Variants in INO80 observed in about 807,000 individuals in gnomAD.
INO80 encodes INO80 complex ATPase subunit, also known as chromatin-remodeling ATPase INO80.
A neutral mutation model predicts 203.4 loss-of-function variants in INO80; 20 were observed. The observed-to-expected ratio is 0.10, with a 90% CI of 0.07 to 0.14. The LOEUF (loss-of-function observed/expected upper bound fraction) is 0.14, where lower values mean the gene tolerates loss of function less well. INO80 is among the 10% of genes least tolerant of loss of function. INO80 has a pLI of 1.00. For missense variants in INO80, 1,419 were observed against 1,914.4 expected (o/e 0.74, Z 4.83); for synonymous variants, 726 against 685.2 (o/e 1.06, Z -0.93).
At chr15:41,058,487 C>T in intron 16 of INO80, 152 bp downstream of exon 16, 1 of 739,724 alleles carries the variant, frequency 1.4e-6, no homozygotes, top group Non-Finnish European at 2.0e-6. Context: ...AAAGCGAGAC[C>T]TTGTCTCTAT....
intron 1 of INO80, among the ~76,000 whole-genome samples, chr15:41,115,767 G>A (rs1183994264): frequency 6.6e-6 from 1 of 152,206 alleles, no homozygotes; most frequent in East Asian, 1.9e-4. Context: ...CCAGAGATAT[G>A]AAACGGGAAG....
chr15:41,090,083 T>A (rs1437753923), intron 5 of INO80, among the ~76,000 whole-genome samples: 1 of 152,210 alleles, frequency 6.6e-6, no homozygotes, highest in Admixed American at 6.5e-5. Context: ...CTAATCATAG[T>A]TCATGAACTG....
At chr15:41,047,618 G>C (rs544945902) in intron 22 of INO80, 117 bp from the exon 23 acceptor site, 1 of 678,744 alleles carries the variant, frequency 1.5e-6, no homozygotes, top group East Asian at 2.8e-5. Context: ...TAAAGGTTCT[G>C]ATCTAGCCAC....
chr15:41,044,874 T>A (rs1199635885), intron 24 of INO80, 30 bp downstream of exon 24: 11 of 1,564,588 alleles, frequency 7.0e-6, no homozygotes, highest in East Asian at 4.5e-5. Context: ...AGATACTAAG[T>A]AGGTAATTTA....
At chr15:40,991,060 A>C (rs1328136720) in intron 29 of INO80, among the ~76,000 whole-genome samples, 1 of 152,216 alleles carries the variant, frequency 6.6e-6, no homozygotes, top group Non-Finnish European at 1.5e-5. Context: ...GAATTGTTTC[A>C]TAAGTACTGT....
chr15:40,995,486 A>G (rs2043869696), intron 29 of INO80, among the ~76,000 whole-genome samples: 1 of 152,252 alleles, frequency 6.6e-6, no homozygotes, highest in African/African-American at 2.4e-5. Flanking sequence ...TAGATAAAGG[A>G]CACAAATGAA....
intron 24 of INO80, 100 bp downstream of exon 24, chr15:41,044,804 G>T: frequency 1.6e-6 from 2 of 1,223,620 alleles, no homozygotes; most frequent in Non-Finnish European, 2.2e-6. Flanking sequence ...GAACTTTTTG[G>T]TTCTCTCAGG....
At chr15:40,992,324 CA>C (rs1005595756) in intron 29 of INO80, among the ~76,000 whole-genome samples, 15 of 152,224 alleles carry the variant, frequency 9.9e-5, no homozygotes, top group African/African-American at 3.4e-4. Flanking sequence ...CCTTACTAAA[CA>C]GAGTCAAATG....
In INO80 at chr15:40,985,412, C is replaced by T. The variant is rs752957807; in HGVS notation, c.3847G>A (p.Glu1283Lys). 1 of 1,613,506 alleles carries T rather than the reference C, an allele frequency of 6.2e-7. No individual in the cohort carries two copies. The highest frequency in any genetic ancestry group is 1.3e-5 in the African/African-American group (1 of 75,008). The change falls in exon 32 of 36, where the codon GAA becomes AAA. Residue 1283 changes from glutamate to lysine, a missense_variant. By Grantham distance (56) the Glu-to-Lys change is moderately conservative. This residue lies in a region of INO80 where 214 missense variants were observed against 248.9 expected (regional missense o/e 0.86). Transcript: ENST00000648947. ...GTTTCCTCCTGTTGCCGTTTCTCTT[C>T]CTGCCGCAGCCTCACTATCAAGAAA... ...ELEKKLRLRQ[E>K]EKRQQEETNR... is the part of the protein sequence containing the mutation.
At chr15:40,984,397 C>A in intron 32 of INO80, 45 bp from the exon 33 acceptor site, 2 of 1,566,974 alleles carry the variant, frequency 1.3e-6, no homozygotes, top group Non-Finnish European at 1.7e-6. Context: ...AGGATGCACC[C>A]CAAAAGAAAA....
chr15:41,069,240 C>T (rs1415590550), intron 14 of INO80, among the ~76,000 whole-genome samples: 1 of 152,048 alleles, frequency 6.6e-6, no homozygotes, highest in Non-Finnish European at 1.5e-5. Context: ...CCCTCGCCCC[C>T]TCACCCCCCT....
At chr15:41,017,146 C>T (rs761713250) in intron 26 of INO80, 3 of 152,234 alleles carry the variant, frequency 2.0e-5, no homozygotes, top group Non-Finnish European at 4.4e-5. Context: ...GCTCCTCTCA[C>T]TCACTAACTT....
intron 31 of INO80, among the ~76,000 whole-genome samples, chr15:40,986,514 G>A (rs1349147229): frequency 2.6e-5 from 4 of 151,578 alleles, no homozygotes; most frequent in Non-Finnish European, 2.9e-5. Context: ...TAGTAGAGAC[G>A]GGGCTTCACC....
rs563894759 is a variant in INO80 at position 41,089,514 on chromosome 15, G to A, written c.538-1832C>T. Among the ~76,000 whole-genome samples, 122 of 152,302 alleles carry A rather than the reference G, an allele frequency of 8.0e-4. 2 individuals carry two copies. In the South Asian group the frequency reaches 0.025, roughly 31 times the overall value. ...CCCCTGTAATCCCAGCACTTTGGGA[G>A]GCCGAGGCGGGTGGATCACCTGAGT... On this transcript the variant is annotated intron_variant, in intron 5 of 35. Coordinates refer to ENST00000648947, the MANE Select transcript of INO80 (RefSeq NM_017553.3).
intron 15 of INO80, 83 bp from the exon 16 acceptor site, chr15:41,058,864 G>A: frequency 1.5e-6 from 2 of 1,362,832 alleles, no homozygotes; most frequent in East Asian, 2.3e-5. Context: ...TTTTTCTAGG[G>A]CCAAAATGTT....
At chr15:41,080,378 A>T (rs1165633904) in intron 8 of INO80, among the ~76,000 whole-genome samples, 4 of 152,162 alleles carry the variant, frequency 2.6e-5, no homozygotes, top group African/African-American at 9.7e-5. Flanking sequence ...GCCTAATCTG[A>T]TCCTCACAAT....
chr15:41,075,429 G>A (rs2045388259), intron 9 of INO80, among the ~76,000 whole-genome samples: 1 of 151,744 alleles, frequency 6.6e-6, no homozygotes, highest in Non-Finnish European at 1.5e-5. Flanking sequence ...CCACCACAAT[G>A]CCTGGCTAAT....
At chr15:41,062,641 G>A (rs367938069) in intron 14 of INO80, among the ~76,000 whole-genome samples, 7 of 152,200 alleles carry the variant, frequency 4.6e-5, no homozygotes, top group Non-Finnish European at 8.8e-5. Context: ...ACAGTACTGA[G>A]AGGTGGGAGC....
chr15:40,994,066 C>T (rs1037434802), intron 29 of INO80, among the ~76,000 whole-genome samples: 1 of 152,174 alleles, frequency 6.6e-6, no homozygotes, highest in Non-Finnish European at 1.5e-5. Context: ...CTGCAATAGC[C>T]ATCTCATACT....
Sources: allele counts gnomAD v4.1 joint callset (sites outside exome capture counted in the v4.1 genomes callset), GRCh38; gene constraint gnomAD v4.1.1; regional missense constraint gnomAD v4.1.1; transcripts MANE v1.5; gene names NCBI Gene and HGNC (gene_info 2026-07-23, HGNC 2026-07-21).